Variants in EPHA10 observed in about 807,000 individuals in gnomAD.
EPHA10 encodes EPH receptor A10, also known as ephrin type-A receptor 10.
A neutral mutation model predicts 109.7 loss-of-function variants in EPHA10; 120 were observed. The observed-to-expected ratio is 1.09, with a 90% CI of 0.94 to 1.27. The LOEUF (loss-of-function observed/expected upper bound fraction) is 1.27, where lower values mean the gene tolerates loss of function less well. Ranked by LOEUF, EPHA10 falls within the 50% of genes most tolerant of loss-of-function variation. The probability of loss-of-function intolerance (pLI) is 0.00; values close to 1 mark genes in which losing one functional copy is unlikely to be tolerated. For missense variants in EPHA10, 1,396 were observed against 1,411.1 expected (o/e 0.99, Z 0.17); for synonymous variants, 640 against 618.9 (o/e 1.03, Z -0.51).
intron 5 of EPHA10, among the ~76,000 whole-genome samples, chr1:37,738,218 T>C (rs1646100332): frequency 6.6e-6 from 1 of 151,968 alleles, no homozygotes; most frequent in African/African-American, 2.4e-5. Flanking sequence ...AATACAAAAG[T>C]TAGCTGGGCG....
chr1:37,753,121 AC>A lies in EPHA10; in HGVS notation c.1111del (p.Val371SerfsTer137). On this transcript the variant is annotated frameshift_variant, in exon 5 of 17. Coordinates refer to ENST00000373048, the MANE Select transcript of EPHA10 (RefSeq NM_001099439.2). LOFTEE classifies it high-confidence loss of function. ...GCGCAGGCACAGCAGCGAGTAGGTG[AC>A]GTCCGAGCGGCCTCCCGAGTCGGCC... is the stretch of plus-strand genomic sequence containing the variant. ...PPADSGGRSD[V>X]TYSLLCLRCG... 7.1e-7 allele frequency: 1 copy of A among 1,401,924 alleles called. No homozygotes were observed. The highest frequency in any genetic ancestry group is 1.5e-5 in the African/African-American group (1 of 66,626). 86.8% of individuals were successfully genotyped at this position (1,401,924 alleles called of 1,614,324 possible).
chr1:37,749,177 C>G (rs954864629), intron 5 of EPHA10, among the ~76,000 whole-genome samples: 1 of 151,204 alleles, frequency 6.6e-6, no homozygotes, highest in Non-Finnish European at 1.5e-5. Context: ...CCTGCCTCGG[C>G]CTCCCAAAGT....
At position 37,764,716 on chromosome 1, in the gene EPHA10, C is replaced by G. The variant is rs561162990; in HGVS notation, c.106+245G>C. On this transcript the variant is annotated intron_variant, in intron 1 of 16. Coordinates refer to ENST00000373048, the MANE Select transcript of EPHA10 (RefSeq NM_001099439.2). This position sits in a 1 kb window ranked among gnomAD's most constrained non-coding sequence, Gnocchi z 5.8. ...CCGCTGGACCGCCGCCTCTGGCTCC[C>G]GCGGTTCCTGGCCTCTTTCTTTCCC... 3.9e-5 allele frequency among the ~76,000 whole-genome samples: 6 copies of G among 152,208 alleles called. No individual in the cohort carries two copies. Among genetic ancestry groups the G allele is most frequent in the Non-Finnish European group, 8.8e-5 (6 of 68,022 alleles).
chr1:37,759,189 AG>A (rs1181901601), intron 3 of EPHA10, among the ~76,000 whole-genome samples: 2 of 152,160 alleles, frequency 1.3e-5, no homozygotes, highest in Non-Finnish European at 2.9e-5. Flanking sequence ...TCCCTGCTTC[AG>A]ATCCTCCCCA....
rs768044067 is a variant in EPHA10, at chr1:37,721,734, A to G, written c.2072T>C (p.Phe691Ser). The change falls in exon 11 of 17, where the codon TTC becomes TCC. Residue 691 changes from phenylalanine to serine, a missense_variant. Phe to Ser is a radical substitution (Grantham distance 155). Coordinates refer to ENST00000373048, the MANE Select transcript of EPHA10 (RefSeq NM_001099439.2). ...DSASDSQRLG[F>S]LAEALTLGQF... is the part of the protein sequence containing the mutation. The stretch of plus-strand genomic sequence containing the variant: ...GCCCAGCGTGAGGGCCTCGGCCAGG[A>G]AGCCGAGCCTCTGTGAGTCGGAGGC... 1.8e-5 allele frequency: 29 copies of G among 1,612,338 alleles called. No homozygotes were observed. The highest frequency in any genetic ancestry group is 4.0e-5 in the African/African-American group (3 of 74,902).
At position 37,764,665 on chromosome 1, in the gene EPHA10, A is replaced by G. The variant is rs1646460007; in HGVS notation, c.106+296T>C. The stretch of plus-strand genomic sequence containing the variant: ...CCCGCCCCCGCACCTCCCACCTCCA[A>G]TCACTCAGCTTGTCCGTCTCACCGG... On this transcript the variant is annotated intron_variant, in intron 1 of 16. Transcript: ENST00000373048. This position sits in a 1 kb window ranked among gnomAD's most constrained non-coding sequence, Gnocchi z 5.8. 1.3e-5 allele frequency among the ~76,000 whole-genome samples: 2 copies of G among 151,092 alleles called. No homozygotes were observed. Among genetic ancestry groups the G allele is most frequent in the South Asian group, 4.2e-4 (2 of 4,758 alleles).
rs748872840 is a variant in EPHA10 at position 37,719,909 on chromosome 1, G to A, written c.2562C>T (p.Asp854=). The change falls in exon 14 of 17, where the codon GAC becomes GAT. Residue 854 remains aspartate, a splice_region_variant and synonymous_variant. Transcript: ENST00000373048. ...ERPYWDMSGQ[D]VIKAVEDGFR... The stretch of plus-strand genomic sequence containing the variant: ...GCAGCTGGAGCCACGGGTTACTCAC[G>A]TCTTGGCCAGACATGTCCCAGTAAG... 21 of 1,613,858 alleles carry A rather than the reference G, an allele frequency of 1.3e-5. No individual in the cohort carries two copies. Among genetic ancestry groups the A allele is most frequent in the Admixed American group, 5.0e-5 (3 of 59,998 alleles).
At chr1:37,758,060 C>T (rs1032563836) in intron 3 of EPHA10, among the ~76,000 whole-genome samples, 1 of 152,190 alleles carries the variant, frequency 6.6e-6, no homozygotes, top group African/African-American at 2.4e-5. Flanking sequence ...AGTCATCTCC[C>T]TTCTTGGTAG....
rs564799990 is a variant in EPHA10, at chr1:37,722,162, T to C, written c.1961-317A>G. 2.0e-5 allele frequency: 5 copies of C among 253,564 alleles called. No homozygotes were observed. In the South Asian group the frequency reaches 3.2e-4, roughly 16 times the overall value. The allele number at this position is 253,564 out of a possible 1,614,324, so 15.7% of individuals were successfully genotyped here. On this transcript the variant is annotated intron_variant, in intron 10 of 16. Coordinates refer to ENST00000373048, the MANE Select transcript of EPHA10 (RefSeq NM_001099439.2). ...AAAAGTGACTCCAGATCATGGACTG[T>C]TTCCAGCTTAAATCCTGGTAAACTG...
chr1:37,753,701 C>G (rs192494566), intron 4 of EPHA10, among the ~76,000 whole-genome samples: 3 of 14,526 alleles, frequency 2.1e-4, no homozygotes, highest in African/African-American at 3.3e-4. Flanking sequence ...CGAGCGGGAG[C>G]AGGGGTGAGT....
intron 5 of EPHA10, among the ~76,000 whole-genome samples, 163 bp from the exon 6 acceptor site, chr1:37,735,553 A>G (rs2148336783): frequency 6.6e-6 from 1 of 152,262 alleles, no homozygotes; most frequent in Non-Finnish European, 1.5e-5. Context: ...ACTGAGAGGC[A>G]TGGCCAAAGG....
intron 3 of EPHA10, among the ~76,000 whole-genome samples, chr1:37,759,300 C>T (rs1437042337): frequency 6.6e-6 from 1 of 152,124 alleles, no homozygotes; most frequent in South Asian, 2.1e-4. Context: ...ACTCCCACAC[C>T]CCCACATGCC....
intron 5 of EPHA10, among the ~76,000 whole-genome samples, chr1:37,747,399 A>G (rs1178855462): frequency 6.6e-6 from 1 of 151,958 alleles, no homozygotes; most frequent in African/African-American, 2.4e-5. Flanking sequence ...AAAAAACACA[A>G]CATTAGCCAG....
Position 37,723,171 on chromosome 1 carries a change from G to A in EPHA10, c.1835-5C>T, listed in dbSNP as rs1485465539. The A allele has an allele frequency of 7.4e-6, 12 of 1,611,938 alleles. No homozygotes were observed. The highest frequency in any genetic ancestry group is 1.0e-5 in the Non-Finnish European group (12 of 1,178,800). The stretch of plus-strand genomic sequence containing the variant: ...TGCGACGTGTTGGGACTTTGACTGG[G>A]AGAGAAAGAGATGAGCCTGAGGAAT... On this transcript the variant is annotated splice_polypyrimidine_tract_variant and splice_region_variant and intron_variant, in intron 9 of 16. Transcript: ENST00000373048.
intron 11 of EPHA10, 126 bp from the exon 12 acceptor site, chr1:37,720,970 G>T: frequency 1.2e-6 from 1 of 834,054 alleles, no homozygotes; most frequent in Non-Finnish European, 1.9e-6. Flanking sequence ...CCCTAATCTC[G>T]CCATCCTCCT....
chr1:37,719,767 T>C, intron 14 of EPHA10, 142 bp downstream of exon 14: 1 of 1,465,618 alleles, frequency 6.8e-7, no homozygotes, highest in Non-Finnish European at 9.4e-7. Context: ...CCTGGGGCAG[T>C]GGCCAGGCAG....
chr1:37,730,210 T>C (rs1233069499), intron 7 of EPHA10, among the ~76,000 whole-genome samples: 1 of 152,210 alleles, frequency 6.6e-6, no homozygotes, highest in Admixed American at 6.5e-5. Flanking sequence ...ACTTTTTGCA[T>C]TCAGGCGAGA....
intron 11 of EPHA10, among the ~76,000 whole-genome samples, chr1:37,721,417 G>C (rs1314182822): frequency 2.1e-5 from 3 of 144,780 alleles, no homozygotes; most frequent in Non-Finnish European, 4.5e-5. Context: ...AACAGAGCGA[G>C]ACTCCATCTC....
Position 37,727,211 on chromosome 1 carries a change from C to A in EPHA10, c.1664-1G>T. 6.3e-7 allele frequency: 1 copy of A among 1,595,842 alleles called. No homozygotes were observed. The highest frequency in any genetic ancestry group is 8.5e-7 in the Non-Finnish European group (1 of 1,170,496). On this transcript the variant is annotated splice_acceptor_variant, in intron 7 of 16. Transcript: ENST00000373048. LOFTEE classifies it high-confidence loss of function. ...CTCTGGTCCCTGGACCCTGAGGCAG[C>A]TGGGAGGAAAATCACGAGGTTGAGG...
Sources: allele counts gnomAD v4.1 joint callset (sites outside exome capture counted in the v4.1 genomes callset), GRCh38; gene constraint gnomAD v4.1.1; non-coding constraint Gnocchi (gnomAD v3.1); transcripts MANE v1.5; gene names NCBI Gene and HGNC (gene_info 2026-07-23, HGNC 2026-07-21).